OPCML: variants seen among roughly 807,000 people sequenced by gnomAD.
OPCML encodes opioid-binding protein/cell adhesion molecule.
In OPCML, 13 loss-of-function variants were observed where a neutral mutation model predicts 37.8. The ratio of observed to expected loss-of-function variants is 0.34; its 90% CI spans 0.22 to 0.55. The LOEUF is 0.55. OPCML is among the 20% of genes least tolerant of loss of function. The probability of loss-of-function intolerance (pLI) is 0.91; values close to 1 mark genes in which losing one functional copy is unlikely to be tolerated. For synonymous variants in OPCML, 176 were observed against 168.8 expected, an observed-to-expected ratio of 1.04 and a Z score of -0.33; for missense variants, 341 against 435.6, an observed-to-expected ratio of 0.78 and a Z score of 1.93.
chr11:132,534,100 T>G (rs1025485116), intron 3 of OPCML, among the ~76,000 whole-genome samples: 4 of 152,180 alleles, frequency 2.6e-5, no homozygotes, highest in Non-Finnish European at 5.9e-5. Flanking sequence ...TGCTCTATCC[T>G]CTCCCTGAAA....
chr11:133,290,249 G>T (rs1592171516), intron 1 of OPCML, among the ~76,000 whole-genome samples: 2 of 151,964 alleles, frequency 1.3e-5, no homozygotes, highest in African/African-American at 4.8e-5. Flanking sequence ...AGAGGGTAGG[G>T]CAGCCAATGA....
intron 1 of OPCML, among the ~76,000 whole-genome samples, chr11:133,303,079 G>A (rs547046414): frequency 2.6e-5 from 4 of 152,266 alleles, no homozygotes; most frequent in South Asian, 2.1e-4. Context: ...TAGGCTGATC[G>A]TGGTTATGAA....
At chr11:132,739,359 A>AT in intron 2 of OPCML, among the ~76,000 whole-genome samples, 1 of 152,144 alleles carries the variant, frequency 6.6e-6, no homozygotes, top group East Asian at 1.9e-4. Flanking sequence ...CTTTGTCTTT[A>AT]TTTTGTCCGT....
chr11:133,530,106 G>T (rs1421998503), intron 1 of OPCML, among the ~76,000 whole-genome samples: 1 of 152,166 alleles, frequency 6.6e-6, no homozygotes, highest in Non-Finnish European at 1.5e-5. Context: ...GGGTGGGGGG[G>T]ATAGCTTGTC....
intron 1 of OPCML, among the ~76,000 whole-genome samples, chr11:132,996,138 A>G (rs1181774995): frequency 6.6e-6 from 1 of 152,140 alleles, no homozygotes; most frequent in Non-Finnish European, 1.5e-5. Flanking sequence ...AGACTTTAGC[A>G]TATTTTTCAC....
At chr11:132,823,315 C>T (rs11223225) in intron 2 of OPCML, among the ~76,000 whole-genome samples, 22,063 of 152,146 alleles carry the variant, frequency 0.15, 2,261 homozygotes, top group East Asian at 0.57. Context: ...GCATGGGGGA[C>T]AACCTCTTCT....
intron 1 of OPCML, among the ~76,000 whole-genome samples, chr11:133,181,047 T>C (rs1321382240): frequency 6.6e-6 from 1 of 152,168 alleles, no homozygotes; most frequent in African/African-American, 2.4e-5. Context: ...AAAAATCCAA[T>C]TCTGCAAACT....
At chr11:133,345,549 T>C (rs1943980259) in intron 1 of OPCML, among the ~76,000 whole-genome samples, 1 of 152,244 alleles carries the variant, frequency 6.6e-6, no homozygotes, top group Admixed American at 6.5e-5. Context: ...GTTCACAACA[T>C]CACACTTGGG....
At chr11:132,686,077 C>A (rs1943149841) in intron 2 of OPCML, among the ~76,000 whole-genome samples, 1 of 152,166 alleles carries the variant, frequency 6.6e-6, no homozygotes, top group Non-Finnish European at 1.5e-5. Context: ...GCTGTCCATT[C>A]CTTAATTCTA....
At chr11:132,595,084 T>C (rs1399638442) in intron 3 of OPCML, among the ~76,000 whole-genome samples, 1 of 152,138 alleles carries the variant, frequency 6.6e-6, no homozygotes, top group Non-Finnish European at 1.5e-5. Context: ...TCTCAGTGAA[T>C]TTTGTCTCTC....
At chr11:132,846,622 A>T (rs1941553431) in intron 2 of OPCML, among the ~76,000 whole-genome samples, 1 of 152,212 alleles carries the variant, frequency 6.6e-6, no homozygotes, top group Non-Finnish European at 1.5e-5. Context: ...TTTAACATTG[A>T]TCTAGTCCAT....
rs964850948 is a variant in OPCML, at chr11:133,017,681, G to A, written c.62-74671C>T. On this transcript the variant is annotated intron_variant, in intron 1 of 7. Coordinates refer to ENST00000524381, the MANE Select transcript of OPCML (RefSeq NM_001012393.5). ...TGAGATTACAGGCATGAGCCACTGC[G>A]CCTGGCTTCTTCTTTAGATTATAGT... Among the ~76,000 whole-genome samples the A allele has an allele frequency of 5.3e-5, 8 of 152,250 alleles. No homozygotes were observed. In the South Asian group the frequency reaches 6.2e-4, roughly 12 times the overall value.
At chr11:133,412,522 T>C (rs961124694) in intron 1 of OPCML, among the ~76,000 whole-genome samples, 4 of 152,212 alleles carry the variant, frequency 2.6e-5, no homozygotes, top group Admixed American at 1.3e-4. Flanking sequence ...TCATGATAGC[T>C]ATTCATCAGA....
intron 2 of OPCML, among the ~76,000 whole-genome samples, chr11:132,760,628 C>CT (rs892265511): frequency 5.1e-4 from 70 of 138,450 alleles, no homozygotes; most frequent in East Asian, 5.1e-3. Flanking sequence ...GCAACATTTG[C>CT]TTTTTTTTTT....
At chr11:132,594,344 T>C (rs1343355663) in intron 3 of OPCML, among the ~76,000 whole-genome samples, 6 of 152,212 alleles carry the variant, frequency 3.9e-5, no homozygotes, top group Non-Finnish European at 7.3e-5. Flanking sequence ...GATATGGAGA[T>C]ATTGCTATCC....
chr11:132,793,517 A>G (rs1317362872), intron 2 of OPCML, among the ~76,000 whole-genome samples: 2 of 152,098 alleles, frequency 1.3e-5, no homozygotes, highest in Admixed American at 1.3e-4. Flanking sequence ...ATTCTTCAGC[A>G]CCTTTTGTGA....
intron 1 of OPCML, among the ~76,000 whole-genome samples, chr11:133,011,213 G>C (rs1192268763): frequency 1.3e-5 from 2 of 152,192 alleles, no homozygotes; most frequent in Admixed American, 6.5e-5. Flanking sequence ...ATGGGATCAG[G>C]CCCTTTCTAT....
chr11:132,747,857 G>A (rs773730145), intron 2 of OPCML, among the ~76,000 whole-genome samples: 2 of 152,040 alleles, frequency 1.3e-5, no homozygotes, highest in African/African-American at 2.4e-5. Flanking sequence ...ATGGGGGAGC[G>A]GGTCTCACTA....
At chr11:133,419,556 T>C (rs1945838661) in intron 1 of OPCML, among the ~76,000 whole-genome samples, 1 of 152,216 alleles carries the variant, frequency 6.6e-6, no homozygotes, top group Non-Finnish European at 1.5e-5. Flanking sequence ...TTAAGGTAAT[T>C]TCTGTTCATT....
Sources: allele counts gnomAD v4.1 joint callset (sites outside exome capture counted in the v4.1 genomes callset), GRCh38; gene constraint gnomAD v4.1.1; transcripts MANE v1.5; gene names NCBI Gene and HGNC (gene_info 2026-07-23, HGNC 2026-07-21).